Variants in GLCCI1 observed in about 807,000 individuals in gnomAD.
GLCCI1 encodes the protein glucocorticoid-induced transcript 1 protein.
A neutral mutation model predicts 52.2 loss-of-function variants in GLCCI1; 24 were observed. That is an observed-to-expected ratio of 0.46 (90% CI 0.33 to 0.65). The LOEUF (loss-of-function observed/expected upper bound fraction) is 0.65. Ranked by LOEUF, GLCCI1 falls within the 30% of genes least tolerant of loss-of-function variation. The probability of loss-of-function intolerance (pLI) is 0.02; values close to 1 mark genes in which losing one functional copy is unlikely to be tolerated. For synonymous variants in GLCCI1, 310 were observed against 276.5 expected (o/e 1.12, Z -1.20); for missense variants, 704 against 701.5 (o/e 1.00, Z -0.04).
At chr7:8,070,889 C>T in intron 5 of GLCCI1, 32 bp from the exon 6 acceptor site, 1 of 1,565,080 alleles carries the variant, frequency 6.4e-7, no homozygotes, top group Non-Finnish European at 8.8e-7. Flanking sequence ...TATGCACCAG[C>T]ATTTGGATGT....
intron 6 of GLCCI1, among the ~76,000 whole-genome samples, chr7:8,082,913 G>A (rs562066572): frequency 1.3e-5 from 2 of 152,332 alleles, no homozygotes; most frequent in South Asian, 4.1e-4. Flanking sequence ...TGATGATGTA[G>A]TAAGAAAAAG....
chr7:7,998,189 T>TTTG (rs1239545486), intron 1 of GLCCI1, among the ~76,000 whole-genome samples: 78 of 143,160 alleles, frequency 5.4e-4, no homozygotes, highest in African/African-American at 1.6e-3. Flanking sequence ...TTTTTTTTTT[T>TTTG]TTGTTGTTGT....
chr7:8,044,208 G>C (rs1782069814), intron 3 of GLCCI1, among the ~76,000 whole-genome samples: 1 of 152,086 alleles, frequency 6.6e-6, no homozygotes, highest in South Asian at 2.1e-4. Context: ...GCCTCCCAAA[G>C]TGCTGGGATT....
At chr7:8,041,227 A>C (rs1436628724) in intron 3 of GLCCI1, among the ~76,000 whole-genome samples, 1 of 152,216 alleles carries the variant, frequency 6.6e-6, no homozygotes, top group Non-Finnish European at 1.5e-5. Context: ...ACATTCCCTT[A>C]AGCCAAAGCT....
intron 1 of GLCCI1, among the ~76,000 whole-genome samples, chr7:8,003,012 T>G (rs533785280): frequency 6.6e-6 from 1 of 152,356 alleles, no homozygotes; most frequent in East Asian, 1.9e-4. Flanking sequence ...ACTCAAATTC[T>G]TCGTCTGTGA....
chr7:8,074,494 G>A (rs1562451285), intron 6 of GLCCI1, among the ~76,000 whole-genome samples: 1 of 152,060 alleles, frequency 6.6e-6, no homozygotes, highest in Admixed American at 6.6e-5. Flanking sequence ...GACCAGCCTG[G>A]CCAACATAGT....
At position 8,086,970 on chromosome 7, in the gene GLCCI1, A is replaced by G. The variant is rs904694372; in HGVS notation, c.*432A>G. 2.2e-5 allele frequency: 3 copies of G among 136,436 alleles called. No homozygotes were observed. Among genetic ancestry groups the G allele is most frequent in the African/African-American group, 8.6e-5 (3 of 34,692 alleles). The allele number at this position is 136,436 out of a possible 1,614,324, so 8.5% of individuals were successfully genotyped here. On this transcript the variant is annotated 3_prime_UTR_variant, in exon 8 of 8. Transcript: ENST00000223145. The surrounding 1 kb of genome is among the most constrained non-coding windows in gnomAD (Gnocchi z 4.4). ...GGTGTTTGTTTCTAACTTCTGTAAT[A>G]CATACAATGCAAAAAAAAAAAAAAA... is the stretch of plus-strand genomic sequence containing the variant.
At chr7:8,006,854 A>G (rs1327659145) in intron 2 of GLCCI1, among the ~76,000 whole-genome samples, 3 of 152,210 alleles carry the variant, frequency 2.0e-5, no homozygotes, top group Non-Finnish European at 4.4e-5. Flanking sequence ...TCTATTCTGT[A>G]CTTTAAGCTG....
intron 1 of GLCCI1, among the ~76,000 whole-genome samples, chr7:7,995,481 G>T (rs1780920625): frequency 6.6e-6 from 1 of 152,212 alleles, no homozygotes; most frequent in South Asian, 2.1e-4. Flanking sequence ...CTGCACTCTA[G>T]TCTGGGTGAC....
At chr7:8,060,643 C>T (rs554198722) in intron 5 of GLCCI1, among the ~76,000 whole-genome samples, 26 of 152,208 alleles carry the variant, frequency 1.7e-4, no homozygotes, top group African/African-American at 5.8e-4. Context: ...GGTTCACCCA[C>T]GTTTAGCCTG....
intron 1 of GLCCI1, among the ~76,000 whole-genome samples, chr7:7,986,308 G>A (rs1334062082): frequency 6.6e-6 from 1 of 151,846 alleles, no homozygotes; most frequent in African/African-American, 2.4e-5. Flanking sequence ...GTCAGGAGAT[G>A]AAGACTATCC....
rs560126441 is a variant in GLCCI1 at position 7,986,919 on chromosome 7, A to G, written c.458-16989A>G. 2.1e-4 allele frequency among the ~76,000 whole-genome samples: 32 copies of G among 152,254 alleles called. No homozygotes were observed. The South Asian group carries it at 6.2e-3, about 30-fold the overall frequency. The stretch of plus-strand genomic sequence containing the variant: ...TTGTCTTACCTTCTCAGAATTATCT[A>G]CTGAACATGGTGGGGTTTTTTTGCA... On this transcript the variant is annotated intron_variant, in intron 1 of 7. Transcript: ENST00000223145.
intron 5 of GLCCI1, among the ~76,000 whole-genome samples, chr7:8,066,469 T>C (rs937684764): frequency 2.0e-5 from 3 of 151,884 alleles, no homozygotes; most frequent in Non-Finnish European, 4.4e-5. Flanking sequence ...AGTCCCTCTA[T>C]ATGTGATGTT....
intron 3 of GLCCI1, among the ~76,000 whole-genome samples, chr7:8,051,486 G>T (rs906816226): frequency 6.6e-6 from 1 of 152,190 alleles, no homozygotes; most frequent in South Asian, 2.1e-4. Context: ...TTTGAGTCAG[G>T]TTACTGCTTT....
rs756751643 is a variant in GLCCI1 at position 8,022,456 on chromosome 7, T to C, written c.610-27T>C. On this transcript the variant is annotated intron_variant, in intron 2 of 7. Coordinates refer to ENST00000223145, the MANE Select transcript of GLCCI1 (RefSeq NM_138426.4). The stretch of plus-strand genomic sequence containing the variant: ...TAGGAAGTAGAGATAAAATTTCTTA[T>C]TTTATTTATATATATATTTTTTAAA... The C allele has an allele frequency of 3.9e-5, 50 of 1,280,304 alleles. 1 individual carries two copies. In the African/African-American group the frequency reaches 7.2e-4, roughly 18 times the overall value. The allele number at this position is 1,280,304 out of a possible 1,614,324, so 79.3% of individuals were successfully genotyped here.
chr7:8,023,141 G>A (rs927336115), intron 3 of GLCCI1, among the ~76,000 whole-genome samples: 1 of 152,034 alleles, frequency 6.6e-6, no homozygotes. Flanking sequence ...TCAGCCTCCC[G>A]AGTAGCTGGG....
At chr7:8,046,186 G>C (rs536023208) in intron 3 of GLCCI1, among the ~76,000 whole-genome samples, 1 of 131,268 alleles carries the variant, frequency 7.6e-6, no homozygotes, top group East Asian at 2.3e-4. Flanking sequence ...TTGAAAGTTA[G>C]GATGAATCAA....
intron 1 of GLCCI1, among the ~76,000 whole-genome samples, chr7:7,979,293 G>C (rs549187642): frequency 6.6e-6 from 1 of 152,110 alleles, no homozygotes; most frequent in East Asian, 1.9e-4. Flanking sequence ...AACGCATTCA[G>C]GGAATTGCAT....
intron 2 of GLCCI1, among the ~76,000 whole-genome samples, chr7:8,020,538 G>A (rs925119834): frequency 6.6e-6 from 1 of 152,200 alleles, no homozygotes; most frequent in Admixed American, 6.5e-5. Flanking sequence ...GTGCTTGCCA[G>A]TGTTGAAGCA....
Sources: gnomAD v4.1 joint callset for allele counts (sites outside exome capture counted in the v4.1 genomes callset) on GRCh38, gnomAD v4.1.1 for gene constraint, Gnocchi (gnomAD v3.1) non-coding constraint, MANE v1.5 for transcripts, NCBI Gene and HGNC (gene_info 2026-07-23, HGNC 2026-07-21) for gene names.